PCDHGB6: variants seen among roughly 807,000 people sequenced by gnomAD.
The protein encoded by PCDHGB6 is protocadherin gamma-B6.
PCDHGB6 carries 51 observed loss-of-function variants against 59.1 expected under a neutral mutation model. The observed-to-expected ratio is 0.86, with a 90% confidence interval of 0.69 to 1.09. PCDHGB6 has a LOEUF of 1.09. Among genes scored for constraint, PCDHGB6 ranks in the 50% least tolerant of loss-of-function variants. The probability of loss-of-function intolerance (pLI) is 0.00; values close to 1 mark genes in which losing one functional copy is unlikely to be tolerated. For synonymous variants in PCDHGB6, 466 were observed against 495.1 expected (o/e 0.94, Z 0.78); for missense variants, 1,148 against 1,205.1 (o/e 0.95, Z 0.70).
rs755602367 is a variant in PCDHGB6, at chr5:141,415,231, G to A, written c.2418+4611G>A. ...GGACCTCGGCAGCTTCGAGTCTCCA[G>A]CTAACTCTGAAACCTCAGACCTCAC... On this transcript the variant is annotated intron_variant, in intron 1 of 3. Transcript: ENST00000520790. 2.1e-5 allele frequency: 34 copies of A among 1,614,042 alleles called. No homozygotes were observed. The South Asian group carries it at 3.2e-4, about 15-fold the overall frequency.
chr5:141,508,714 G>A (rs775462794), intron 3 of PCDHGB6, among the ~76,000 whole-genome samples: 16 of 151,880 alleles, frequency 1.1e-4, no homozygotes, highest in Admixed American at 2.0e-4. Context: ...ATTCTTTTCT[G>A]TGTGCAGGGA....
At chr5:141,463,324 T>C (rs1413608053) in intron 1 of PCDHGB6, among the ~76,000 whole-genome samples, 1 of 150,722 alleles carries the variant, frequency 6.6e-6, no homozygotes, top group Non-Finnish European at 1.5e-5. Context: ...ATTCCTCAAC[T>C]CAGCAAAACC....
Position 141,410,415 on chromosome 5 carries a change from T to C in PCDHGB6, c.2213T>C (p.Val738Ala), listed in dbSNP as rs1589759810. 1 of 1,614,066 alleles carries C rather than the reference T, an allele frequency of 6.2e-7. No homozygotes were observed. Residue 738 changes from valine to alanine, a missense_variant, in exon 1 of 4, where the codon GTA (valine) becomes GCA (alanine). Coordinates refer to ENST00000520790, the MANE Select transcript of PCDHGB6 (RefSeq NM_018926.3). ...GGTCTCTGTGTCAAGTCTGGACCTG[T>C]AGTTCCCCCCAACTACAGTGAGGGG... is the stretch of plus-strand genomic sequence containing the variant. ...HPGLCVKSGP[V>A]VPPNYSEGTL... is the part of the protein sequence containing the mutation.
intron 1 of PCDHGB6, chr5:141,423,850 A>G: frequency 1.6e-6 from 2 of 1,278,674 alleles, no homozygotes; most frequent in East Asian, 3.1e-5. Flanking sequence ...ATCTTTCAGA[A>G]CGTTTTTGTG....
intron 1 of PCDHGB6, chr5:141,427,842 C>A: frequency 6.5e-7 from 1 of 1,549,268 alleles, no homozygotes. Flanking sequence ...TGCCTTCGAC[C>A]ACGAGCAGCT....
chr5:141,510,895 CTGT>C, intron 3 of PCDHGB6, 49 bp from the exon 4 acceptor site: 1 of 1,612,988 alleles, frequency 6.2e-7, no homozygotes, highest in Non-Finnish European at 8.5e-7. Flanking sequence ...AAGACAGTGA[CTGT>C]TGAGGACCCT....
In PCDHGB6 at chr5:141,480,546, G is replaced by A. The variant is rs184388425; in HGVS notation, c.2419-14261G>A. Reference sequence around the variant, plus strand: ...GACAAAGTAGAAGCACATATGAAAAGGCTAAGAAAGCATGAAAGCCAGCAA... The same window carrying A: ...GACAAAGTAGAAGCACATATGAAAAAGCTAAGAAAGCATGAAAGCCAGCAA... On this transcript the variant is annotated intron_variant, in intron 1 of 3. Coordinates refer to ENST00000520790, the MANE Select transcript of PCDHGB6 (RefSeq NM_018926.3). 4.9e-4 allele frequency among the ~76,000 whole-genome samples: 63 copies of A among 128,620 alleles called. 1 individual carries two copies. Among genetic ancestry groups the A allele is most frequent in the Middle Eastern group, 4.2e-3 (1 of 236 alleles). The allele number at this position is 128,620 out of a possible 152,430, so 84.4% of individuals were successfully genotyped here. A position where few individuals can be genotyped will look rare whatever the true frequency, so the allele number is the denominator to read the frequency against.
intron 1 of PCDHGB6, chr5:141,413,590 G>A (rs759901330): frequency 1.2e-6 from 2 of 1,613,886 alleles, no homozygotes; most frequent in Non-Finnish European, 1.7e-6. Flanking sequence ...AAAATTCCAA[G>A]CAGAAAATCT....
chr5:141,486,416 C>T lies in PCDHGB6; in HGVS notation c.2419-8391C>T, dbSNP rs2154580601. The T allele has an allele frequency of 6.2e-7, 1 of 1,614,152 alleles. No individual in the cohort carries two copies. The highest frequency in any genetic ancestry group is 8.5e-7 in the Non-Finnish European group (1 of 1,180,016). On this transcript the variant is annotated intron_variant, in intron 1 of 3. Coordinates refer to ENST00000520790, the MANE Select transcript of PCDHGB6 (RefSeq NM_018926.3). This position sits in a 1 kb window ranked among gnomAD's most constrained non-coding sequence, Gnocchi z 5.0. ...CCTGGTGACTGCTGGACCCTTGGAT[C>T]GAGAGGCCAAATCTAGCTATGACAT...
intron 1 of PCDHGB6, among the ~76,000 whole-genome samples, chr5:141,435,743 G>T (rs3805699): frequency 0.11 from 17,212 of 152,168 alleles, 1,160 homozygotes; most frequent in African/African-American, 0.18. Context: ...TCTTTGAAAA[G>T]CATTGCTTGA....
rs1214425261 is a variant in PCDHGB6 at position 141,485,865 on chromosome 5, C to G, written c.2419-8942C>G. On this transcript the variant is annotated intron_variant, in intron 1 of 3. Coordinates refer to ENST00000520790, the MANE Select transcript of PCDHGB6 (RefSeq NM_018926.3). This position sits in a 1 kb window ranked among gnomAD's most constrained non-coding sequence, Gnocchi z 5.7. The stretch of plus-strand genomic sequence containing the variant: ...TCTGGCACCGCAGAGCTCCGGGTAT[C>G]CGTGCTGGACGTAAACGACAACGCC... The G allele has an allele frequency of 1.2e-6, 2 of 1,614,182 alleles. No individual in the cohort carries two copies.
Position 141,477,778 on chromosome 5 carries a change from C to T in PCDHGB6, c.2419-17029C>T, listed in dbSNP as rs866423908. On this transcript the variant is annotated intron_variant, in intron 1 of 3. Transcript: ENST00000520790. This position sits in a 1 kb window ranked among gnomAD's most constrained non-coding sequence, Gnocchi z 4.9. ...TCCTAGCCACCAACATCAGCGTGAA[C>T]ATATTTGTCACTGATCGCAATGACA... 2.5e-6 allele frequency: 4 copies of T among 1,614,052 alleles called. No homozygotes were observed. In the African/African-American group the frequency reaches 5.3e-5, roughly 22 times the overall value.
chr5:141,436,120 TC>T (rs2154556955), intron 1 of PCDHGB6, among the ~76,000 whole-genome samples: 1 of 152,344 alleles, frequency 6.6e-6, no homozygotes, highest in South Asian at 2.1e-4. Context: ...GAAACCTCTC[TC>T]CTCCATCATC....
chr5:141,435,642 T>C lies in PCDHGB6; in HGVS notation c.2418+25022T>C, dbSNP rs1326178929. On this transcript the variant is annotated intron_variant, in intron 1 of 3. Coordinates refer to ENST00000520790, the MANE Select transcript of PCDHGB6 (RefSeq NM_018926.3). ...CATAACTTTTACAACTATGGGAAAA[T>C]TTCTGAAACGTGCACAGATTCCAAG... Among the ~76,000 whole-genome samples the C allele has an allele frequency of 2.0e-5, 3 of 152,156 alleles. No individual in the cohort carries two copies. The East Asian group carries it at 5.8e-4, about 29-fold the overall frequency.
intron 1 of PCDHGB6, among the ~76,000 whole-genome samples, chr5:141,457,440 A>C (rs188608086): frequency 1.3e-5 from 2 of 152,334 alleles, no homozygotes; most frequent in African/African-American, 4.8e-5. Flanking sequence ...ACCAAGCTGC[A>C]GAAGATCACC....
chr5:141,460,214 G>C (rs925628892), intron 1 of PCDHGB6, among the ~76,000 whole-genome samples: 1 of 151,896 alleles, frequency 6.6e-6, no homozygotes, highest in South Asian at 2.1e-4. Flanking sequence ...CATTTTCTTA[G>C]TTGTGTCTTT....
chr5:141,476,966 G>A lies in PCDHGB6; in HGVS notation c.2419-17841G>A. ...CAACGGTGAAATTATTTACTCCTTC[G>A]GCAGCCACAACCGCGCCGGCGTGCG... On this transcript the variant is annotated intron_variant, in intron 1 of 3. Transcript: ENST00000520790. This position sits in a 1 kb window ranked among gnomAD's most constrained non-coding sequence, Gnocchi z 7.6. 1 of 1,614,152 alleles carries A rather than the reference G, an allele frequency of 6.2e-7. No individual in the cohort carries two copies. The highest frequency in any genetic ancestry group is 8.5e-7 in the Non-Finnish European group (1 of 1,180,032).
At position 141,476,638 on chromosome 5, in the gene PCDHGB6, G is replaced by A. The variant is rs997136356; in HGVS notation, c.2419-18169G>A. On this transcript the variant is annotated intron_variant, in intron 1 of 3. Transcript: ENST00000520790. This position sits in a 1 kb window ranked among gnomAD's most constrained non-coding sequence, Gnocchi z 7.6. ...GCAACTCTTTACAAACCTATGAGCT[G>A]AGCCGAAATGAATACTTTGCGCTTC... 1.9e-6 allele frequency: 3 copies of A among 1,614,268 alleles called. No homozygotes were observed. Among genetic ancestry groups the A allele is most frequent in the Middle Eastern group, 1.6e-4 (1 of 6,062 alleles).
intron 2 of PCDHGB6, among the ~76,000 whole-genome samples, chr5:141,497,540 CT>C (rs754207034): frequency 0.18 from 24,498 of 134,808 alleles, 2,020 homozygotes; most frequent in African/African-American, 0.21. Flanking sequence ...TGCAACAAAC[CT>C]TTTTTTTTTT....
Sources: gnomAD v4.1 joint callset for allele counts (sites outside exome capture counted in the v4.1 genomes callset) on GRCh38, gnomAD v4.1.1 for gene constraint, Gnocchi (gnomAD v3.1) non-coding constraint, MANE v1.5 for transcripts, NCBI Gene and HGNC (gene_info 2026-07-23, HGNC 2026-07-21) for gene names.